The following DOCK3 variants were observed in gnomAD, a reference collection of about 807,000 sequenced individuals.
The protein encoded by DOCK3 is dedicator of cytokinesis 3, also known as dedicator of cytokinesis protein 3.
In DOCK3, 60 loss-of-function variants were observed where a neutral mutation model predicts 265.6. The ratio of observed to expected loss-of-function variants is 0.23; its 90% CI spans 0.18 to 0.28. The LOEUF (loss-of-function observed/expected upper bound fraction) is 0.28. Among genes scored for constraint, DOCK3 ranks in the 10% least tolerant of loss-of-function variants. DOCK3 has a pLI of 1.00. For synonymous variants in DOCK3, 881 were observed against 938.0 expected, an observed-to-expected ratio of 0.94 and a Z score of 1.11; for missense variants, 1,981 against 2,594.3, an observed-to-expected ratio of 0.76 and a Z score of 5.14.
chr3:50,964,131 G>C (rs943763505), intron 5 of DOCK3, among the ~76,000 whole-genome samples: 17 of 152,210 alleles, frequency 1.1e-4, no homozygotes, highest in Non-Finnish European at 1.9e-4. Flanking sequence ...TGCTTCAATA[G>C]TGGGGAATTA....
chr3:50,782,481 G>A (rs1005124245), intron 2 of DOCK3, among the ~76,000 whole-genome samples: 1 of 151,054 alleles, frequency 6.6e-6, no homozygotes, highest in Non-Finnish European at 1.5e-5. Context: ...TAGTAGAGAC[G>A]GGGTTTCACC....
At chr3:50,836,804 G>T (rs908650027) in intron 2 of DOCK3, among the ~76,000 whole-genome samples, 1 of 152,064 alleles carries the variant, frequency 6.6e-6, no homozygotes, top group Admixed American at 6.6e-5. Context: ...AAACTTTTAT[G>T]CTATGTCACC....
intron 1 of DOCK3, among the ~76,000 whole-genome samples, chr3:50,764,359 A>C (rs1576367352): frequency 6.6e-6 from 1 of 152,224 alleles, no homozygotes; most frequent in Non-Finnish European, 1.5e-5. Flanking sequence ...ACCATGATAA[A>C]AAATACAAAA....
At chr3:50,890,946 G>T (rs767626413) in intron 4 of DOCK3, among the ~76,000 whole-genome samples, 95 of 152,190 alleles carry the variant, frequency 6.2e-4, no homozygotes, top group Non-Finnish European at 1.2e-3. Context: ...TGGCCTACAC[G>T]TTAATAATGG....
intron 4 of DOCK3, among the ~76,000 whole-genome samples, chr3:50,915,931 T>C (rs2050094600): frequency 1.3e-5 from 2 of 151,920 alleles, no homozygotes; most frequent in South Asian, 4.1e-4. Flanking sequence ...ACAGTTGCTC[T>C]CAACTTAGCT....
In DOCK3 at chr3:51,215,607, T is replaced by A. The variant is rs140868929; in HGVS notation, c.1252+1360T>A. On this transcript the variant is annotated intron_variant, in intron 14 of 52. Transcript: ENST00000266037. ...CATTTGCCAGCACATACACAAAGAG[T>A]TGGGTAGCTTGGGCATAGAGAAGGC... is the stretch of plus-strand genomic sequence containing the variant. Among the ~76,000 whole-genome samples, 6 of 152,018 alleles carry A rather than the reference T, an allele frequency of 3.9e-5. No individual in the cohort carries two copies. The East Asian group carries it at 1.2e-3, about 29-fold the overall frequency.
intron 1 of DOCK3, among the ~76,000 whole-genome samples, chr3:50,757,024 C>G (rs183839204): frequency 6.6e-6 from 1 of 152,154 alleles, no homozygotes; most frequent in Non-Finnish European, 1.5e-5. Flanking sequence ...CCACACCTGG[C>G]TAATTTTTCA....
chr3:50,958,271 C>T (rs985333975), intron 5 of DOCK3, among the ~76,000 whole-genome samples: 1 of 152,230 alleles, frequency 6.6e-6, no homozygotes, highest in African/African-American at 2.4e-5. Flanking sequence ...CTTCAGTTCT[C>T]ATTCTGTATT....
At chr3:51,155,759 G>A (rs1347008842) in intron 10 of DOCK3, among the ~76,000 whole-genome samples, 3 of 152,098 alleles carry the variant, frequency 2.0e-5, no homozygotes, top group African/African-American at 7.2e-5. Context: ...TACGTGGACG[G>A]CCAATACAAT....
chr3:51,026,486 C>G (rs573178145), intron 5 of DOCK3, among the ~76,000 whole-genome samples: 28 of 147,716 alleles, frequency 1.9e-4, no homozygotes, highest in African/African-American at 6.0e-4. Flanking sequence ...CAAGATGATA[C>G]TGGTTTCATA....
At chr3:51,014,443 T>C (rs1410496059) in intron 5 of DOCK3, among the ~76,000 whole-genome samples, 2 of 152,302 alleles carry the variant, frequency 1.3e-5, no homozygotes, top group African/African-American at 2.4e-5. Context: ...AGAATCAGTT[T>C]CCTGAATCTG....
chr3:51,043,899 T>G (rs879064000), intron 5 of DOCK3, among the ~76,000 whole-genome samples: 1 of 152,094 alleles, frequency 6.6e-6, no homozygotes, highest in Non-Finnish European at 1.5e-5. Flanking sequence ...CCAATCAGAA[T>G]GGCTAATATT....
At chr3:50,784,436 G>A (rs1242820485) in intron 2 of DOCK3, among the ~76,000 whole-genome samples, 1 of 152,134 alleles carries the variant, frequency 6.6e-6, no homozygotes, top group African/African-American at 2.4e-5. Context: ...TTTGAGGTAG[G>A]GTAATGTGAT....
At chr3:50,884,462 C>T (rs574056066) in intron 3 of DOCK3, among the ~76,000 whole-genome samples, 1 of 152,266 alleles carries the variant, frequency 6.6e-6, no homozygotes, top group East Asian at 1.9e-4. Flanking sequence ...TTGTAAACAG[C>T]TTTTGGCTAT....
intron 22 of DOCK3, among the ~76,000 whole-genome samples, chr3:51,252,269 G>C (rs1172161081): frequency 6.6e-6 from 1 of 152,234 alleles, no homozygotes; most frequent in Admixed American, 6.5e-5. Flanking sequence ...CTGTAGCCTT[G>C]TAGTATAGTT....
intron 4 of DOCK3, 130 bp downstream of exon 4, chr3:50,890,211 T>C (rs899871044): frequency 1.6e-6 from 1 of 626,386 alleles, no homozygotes; most frequent in Non-Finnish European, 2.5e-6. Flanking sequence ...ACATGCTTTA[T>C]CATGTAATTT....
At chr3:51,090,455 CAG>C (rs2082597162) in intron 9 of DOCK3, 71 bp downstream of exon 9, 1 of 1,432,602 alleles carries the variant, frequency 7.0e-7, no homozygotes, top group Non-Finnish European at 9.3e-7. Flanking sequence ...CTCTGGCCAT[CAG>C]AGAAGACAGA....
Position 50,921,411 on chromosome 3 carries a change from G to A in DOCK3, c.219-12570G>A, listed in dbSNP as rs147733851. 3.2e-3 allele frequency among the ~76,000 whole-genome samples: 481 copies of A among 152,220 alleles called. 3 individuals are homozygous for A. Among genetic ancestry groups the A allele is most frequent in the African/African-American group, 0.011 (454 of 41,542 alleles). On this transcript the variant is annotated intron_variant, in intron 4 of 52. Transcript: ENST00000266037. ...TTTTCAGCTCCATCAGGTTATTTAA[G>A]GTCTTCTCTATGCTGTTTATTCTAG...
At position 51,338,399 on chromosome 3, in the gene DOCK3, G is replaced by A; in HGVS notation, c.3652G>A (p.Gly1218Ser). The change falls in exon 36 of 53, where the codon GGC becomes AGC. Residue 1218 changes from glycine (G) to serine (S), a missense_variant. Coordinates refer to ENST00000266037, the MANE Select transcript of DOCK3 (RefSeq NM_004947.5). ...KGEETENKKI[G>S]CTVNLMNFYK... ...AGAGGAAACAGAGAATAAGAAGATAGGCTGCACTGTTAACCTGATGGTGAG... is the reference window on the plus strand; with the variant it reads ...AGAGGAAACAGAGAATAAGAAGATAAGCTGCACTGTTAACCTGATGGTGAG... 6.4e-7 allele frequency: 1 copy of A among 1,551,884 alleles called. No individual in the cohort carries two copies. Among genetic ancestry groups the A allele is most frequent in the African/African-American group, 1.4e-5 (1 of 73,190 alleles).
Sources: allele counts gnomAD v4.1 joint callset (sites outside exome capture counted in the v4.1 genomes callset), GRCh38; gene constraint gnomAD v4.1.1; transcripts MANE v1.5; gene names NCBI Gene and HGNC (gene_info 2026-07-23, HGNC 2026-07-21).